Variants in NIPSNAP3B observed in about 807,000 individuals in gnomAD.
The protein encoded by NIPSNAP3B is nipsnap homolog 3B, also known as protein NipSnap homolog 3B.
In NIPSNAP3B, 30 loss-of-function variants were observed where a neutral mutation model predicts 31.5. The observed-to-expected ratio is 0.95, with a 90% CI of 0.71 to 1.29. The LOEUF (loss-of-function observed/expected upper bound fraction) is 1.29. NIPSNAP3B is among the 50% of genes most tolerant of loss of function. The pLI is 0.00. For missense variants in NIPSNAP3B, 269 were observed against 300.7 expected (o/e 0.89, Z 0.78); for synonymous variants, 106 against 107.9 (o/e 0.98, Z 0.11).
rs1486243754 is a variant in NIPSNAP3B, at chr9:104,772,981, T to C, written c.668-16T>C. 5 of 1,614,014 alleles carry C rather than the reference T, an allele frequency of 3.1e-6. No homozygotes were observed. The highest frequency in any genetic ancestry group is 3.4e-6 in the Non-Finnish European group (4 of 1,179,962). On this transcript the variant is annotated splice_polypyrimidine_tract_variant and intron_variant, in intron 5 of 5. Coordinates refer to ENST00000374762, the MANE Select transcript of NIPSNAP3B (RefSeq NM_018376.4). ...CAACCAATAACTGTATGCCTTCTTA[T>C]GAAATGTTTTTCCAGTTCGGGAAAG...
chr9:104,772,424 C>CA (rs1828243795), intron 4 of NIPSNAP3B, among the ~76,000 whole-genome samples: 1 of 151,986 alleles, frequency 6.6e-6, no homozygotes, highest in Non-Finnish European at 1.5e-5. Context: ...TTAAAGGAAA[C>CA]ACACCATATG....
At chr9:104,771,951 G>T (rs1828231068) in intron 4 of NIPSNAP3B, among the ~76,000 whole-genome samples, 1 of 152,056 alleles carries the variant, frequency 6.6e-6, no homozygotes, top group Non-Finnish European at 1.5e-5. Context: ...TCTAATTGTG[G>T]TTTATATTTG....
intron 4 of NIPSNAP3B, among the ~76,000 whole-genome samples, chr9:104,772,407 A>T (rs1401098867): frequency 6.6e-6 from 1 of 151,872 alleles, no homozygotes; most frequent in African/African-American, 2.4e-5. Context: ...TGGTTTACTA[A>T]TTTTTTTTAA....
chr9:104,768,685 T>C (rs1247278473), intron 2 of NIPSNAP3B, among the ~76,000 whole-genome samples, 178 bp from the exon 3 acceptor site: 1 of 152,192 alleles, frequency 6.6e-6, no homozygotes, highest in Non-Finnish European at 1.5e-5. Context: ...AACTCCCCTT[T>C]TAGACCATGA....
Position 104,764,212 on chromosome 9 carries a change from G to A in NIPSNAP3B, c.-29G>A, listed in dbSNP as rs1371046113. On this transcript the variant is annotated 5_prime_UTR_variant, in exon 1 of 6. Coordinates refer to ENST00000374762, the MANE Select transcript of NIPSNAP3B (RefSeq NM_018376.4). ...AGAAGTCTCACAAAGGACTCGGCTG[G>A]CTGCTTTTCTCAGTGCCGAAGCCGC... 6.3e-7 allele frequency: 1 copy of A among 1,592,572 alleles called. No homozygotes were observed. Among genetic ancestry groups the A allele is most frequent in the Non-Finnish European group, 8.5e-7 (1 of 1,170,940 alleles).
At position 104,773,749 on chromosome 9, in the gene NIPSNAP3B, T is replaced by C. The variant is rs927539408; in HGVS notation, c.*676T>C. 3.6e-4 allele frequency: 55 copies of C among 152,334 alleles called. No individual in the cohort carries two copies. The highest frequency in any genetic ancestry group is 1.3e-3 in the African/African-American group (54 of 41,584). The allele number at this position is 152,334 out of a possible 1,614,324, so 9.4% of individuals were successfully genotyped here. ...TAATTTTACTAATTTCTACTTAGTT[T>C]GGATCACTAACAGAGATCTTGGGAC... On this transcript the variant is annotated 3_prime_UTR_variant, in exon 6 of 6. Transcript: ENST00000374762.
chr9:104,769,695 T>C (rs1828170001), intron 3 of NIPSNAP3B, among the ~76,000 whole-genome samples: 1 of 152,158 alleles, frequency 6.6e-6, no homozygotes, highest in Non-Finnish European at 1.5e-5. Flanking sequence ...TGTCACAGTT[T>C]TAAAATGTAT....
At position 104,777,626 on chromosome 9, in the gene NIPSNAP3B, C is replaced by T. The variant is rs1828364166; in HGVS notation, c.*4553C>T. Among the ~76,000 whole-genome samples the T allele has an allele frequency of 6.6e-6, 1 of 152,152 alleles. No homozygotes were observed. The highest frequency in any genetic ancestry group is 6.5e-5 in the Admixed American group (1 of 15,274). ...GGTCATGAACCACCCAGAGTGTGTA[C>T]AAGGCTCCTGCCAGAAGAAATGCCT... On this transcript the variant is annotated 3_prime_UTR_variant, in exon 6 of 6. Coordinates refer to ENST00000374762, the MANE Select transcript of NIPSNAP3B (RefSeq NM_018376.4).
Position 104,771,006 on chromosome 9 carries a change from T to TG in NIPSNAP3B, c.580+9dup. On this transcript the variant is annotated intron_variant, in intron 4 of 5. Coordinates refer to ENST00000374762, the MANE Select transcript of NIPSNAP3B (RefSeq NM_018376.4). ...ATGGAGAACTCAACAGAGGTACAGT[T>TG]GTCCATTTGTTCTATGAAGTTGCCA... 6.2e-7 allele frequency: 1 copy of TG among 1,613,140 alleles called. No individual in the cohort carries two copies.
At chr9:104,771,661 C>T (rs1461911479) in intron 4 of NIPSNAP3B, among the ~76,000 whole-genome samples, 1 of 152,126 alleles carries the variant, frequency 6.6e-6, no homozygotes, top group East Asian at 1.9e-4. Flanking sequence ...CAAGTTTTTG[C>T]TATTGTGAAT....
intron 1 of NIPSNAP3B, among the ~76,000 whole-genome samples, chr9:104,766,056 C>A (rs1828083856): frequency 6.6e-6 from 1 of 152,120 alleles, no homozygotes; most frequent in Non-Finnish European, 1.5e-5. Flanking sequence ...TCATTATGAT[C>A]CCACAGCCTT....
chr9:104,790,857 C>G, the NIPSNAP3B span: 24 of 1,133,002 alleles, frequency 2.1e-5, no homozygotes, highest in Admixed American at 2.9e-4. Flanking sequence ...AAATAACAAC[C>G]TATTTCTTTA....
At chr9:104,786,216 G>A in the NIPSNAP3B span, 2 of 1,173,040 alleles carry the variant, frequency 1.7e-6, no homozygotes, top group Non-Finnish European at 2.5e-6. Context: ...CTTTATGTTA[G>A]AGGCACCATT....
At chr9:104,771,264 T>C (rs1344516097) in intron 4 of NIPSNAP3B, 2 of 304,808 alleles carry the variant, frequency 6.6e-6, no homozygotes, top group East Asian at 1.3e-4. Flanking sequence ...GATTTGTTAC[T>C]TAGGTAAACC....
At chr9:104,770,162 A>G (rs1164378982) in intron 3 of NIPSNAP3B, among the ~76,000 whole-genome samples, 1 of 152,132 alleles carries the variant, frequency 6.6e-6, no homozygotes, top group African/African-American at 2.4e-5. Flanking sequence ...TATGTTGTTC[A>G]TAATTCTTTA....
In NIPSNAP3B at chr9:104,768,990, A is replaced by G. The variant is rs1828147832; in HGVS notation, c.399A>G (p.Pro133=). ...KQETEITYLI[P]WSKLEKPPKE... is the part of the protein sequence containing the mutation. ...AGACGGAAATTACTTACCTGATACC[A>G]TGGTCCAAATTAGAAAAGCCTCCAA... The change falls in exon 3 of 6, where the codon CCA becomes CCG. Residue 133 remains proline (P), a synonymous_variant. Transcript: ENST00000374762. 5.0e-6 allele frequency: 8 copies of G among 1,613,274 alleles called. No homozygotes were observed. Among genetic ancestry groups the G allele is most frequent in the African/African-American group, 1.3e-5 (1 of 74,890 alleles).
rs1418868598 is a variant in NIPSNAP3B, at chr9:104,775,247, A to G, written c.*2174A>G. ...ATTTTTTTCCTTTACAATATGACTC[A>G]AAAGAGTAGTTCATACTTCCTGCCT... On this transcript the variant is annotated 3_prime_UTR_variant, in exon 6 of 6. Coordinates refer to ENST00000374762, the MANE Select transcript of NIPSNAP3B (RefSeq NM_018376.4). 6.6e-6 allele frequency among the ~76,000 whole-genome samples: 1 copy of G among 151,734 alleles called. No individual in the cohort carries two copies. Among genetic ancestry groups the G allele is most frequent in the Non-Finnish European group, 1.5e-5 (1 of 67,990 alleles).
At chr9:104,772,612 G>T (rs890368171) in intron 4 of NIPSNAP3B, among the ~76,000 whole-genome samples, 2 of 151,944 alleles carry the variant, frequency 1.3e-5, no homozygotes, top group Non-Finnish European at 2.9e-5. Flanking sequence ...GTGTTTCTTT[G>T]CATTCTCTCT....
the NIPSNAP3B span, among the ~76,000 whole-genome samples, chr9:104,784,745 G>T: frequency 3.5e-4 from 53 of 152,286 alleles, 1 homozygote; most frequent in South Asian, 0.011. Flanking sequence ...CTGGGTTCGA[G>T]CAATTCTCCT....
Sources: allele counts gnomAD v4.1 joint callset (sites outside exome capture counted in the v4.1 genomes callset), GRCh38; gene constraint gnomAD v4.1.1; transcripts MANE v1.5; gene names NCBI Gene and HGNC (gene_info 2026-07-23, HGNC 2026-07-21).